ANKRD65: variants seen among roughly 807,000 people sequenced by gnomAD.
The protein encoded by ANKRD65 is ankyrin repeat domain 65.
A neutral mutation model predicts 17.2 loss-of-function variants in ANKRD65; 26 were observed. The ratio of observed to expected loss-of-function variants is 1.51; its 90% CI spans 1.11 to 2.09. ANKRD65 has a LOEUF of 2.09. ANKRD65 is among the 30% of genes most tolerant of loss of function. ANKRD65 has a pLI of 0.00. For missense variants in ANKRD65, 621 were observed against 542.2 expected (o/e 1.15, Z -1.44); for synonymous variants, 311 against 272.2 (o/e 1.14, Z -1.40).
At position 1,420,127 on chromosome 1, in the gene ANKRD65, G is replaced by C. The variant is rs1645520508; in HGVS notation, c.675C>G (p.Arg225=). 6.4e-6 allele frequency: 8 copies of C among 1,249,592 alleles called. No homozygotes were observed. Among genetic ancestry groups the C allele is most frequent in the Non-Finnish European group, 6.0e-6 (6 of 997,926 alleles). The allele number at this position is 1,249,592 out of a possible 1,614,324, so 77.4% of individuals were successfully genotyped here. A position where few individuals can be genotyped will look rare whatever the true frequency, so the allele number is the denominator to read the frequency against. ...CATCCCGGGCGTCCACCCGCGCCCC[G>C]CGCGCCAGGAGGAAGCGCAGCGCCG... ...RGAALRFLLA[R]GARVDARDGA... is the part of the protein sequence containing the mutation. Residue 225 remains arginine, a synonymous_variant, in exon 3 of 4, where the codon CGC becomes CGG. Coordinates refer to ENST00000537107, the MANE Select transcript of ANKRD65 (RefSeq NM_001145210.3).
At position 1,420,963 on chromosome 1, in the gene ANKRD65, C is replaced by T. The variant is rs1223744749; in HGVS notation, c.43G>A (p.Glu15Lys). 1.3e-6 allele frequency: 2 copies of T among 1,532,470 alleles called. No homozygotes were observed. The highest frequency in any genetic ancestry group is 4.9e-5 in the East Asian group (2 of 40,480). The allele number at this position is 1,532,470 out of a possible 1,614,324, so 94.9% of individuals were successfully genotyped here. ...AGCTCCATCCACCGCAGTTCCTGTT[C>T]CTCCTCCTCCTCCTCTCTGGGCTCA... Reference protein sequence around the residue: ...RPEPREEEEEEQELRWMELDS... With the variant: ...RPEPREEEEEKQELRWMELDS... Residue 15 changes from glutamate (E) to lysine (K), a missense_variant, in exon 2 of 4, where the codon GAA becomes AAA. Glu to Lys is a moderately conservative substitution (Grantham distance 56, BLOSUM62 1). Coordinates refer to ENST00000537107, the MANE Select transcript of ANKRD65 (RefSeq NM_001145210.3).
chr1:1,420,121 C>T lies in ANKRD65; in HGVS notation c.681G>A (p.Ala227=), dbSNP rs1244156108. 3.2e-6 allele frequency: 4 copies of T among 1,253,370 alleles called. No homozygotes were observed. The East Asian group carries it at 1.4e-4, about 43-fold the overall frequency. 77.6% of individuals were successfully genotyped at this position (1,253,370 alleles called of 1,614,324 possible). The part of the protein sequence containing the change: ...AALRFLLARG[A]RVDARDGAGA... ...CCGCGCCATCCCGGGCGTCCACCCG[C>T]GCCCCGCGCGCCAGGAGGAAGCGCA... Residue 227 remains alanine, a synonymous_variant, in exon 3 of 4, where the codon GCG becomes GCA. Transcript: ENST00000537107.
intron 1 of ANKRD65, 42 bp from the exon 2 acceptor site, chr1:1,421,047 T>A (rs1274374208): frequency 1.3e-6 from 2 of 1,531,842 alleles, no homozygotes; most frequent in South Asian, 1.2e-5. Flanking sequence ...TGGAGGCCTC[T>A]GGCCTGCCCC....
chr1:1,419,952 A>C, intron 3 of ANKRD65, 100 bp downstream of exon 3: 1 of 1,154,760 alleles, frequency 8.7e-7, no homozygotes, highest in Non-Finnish European at 1.1e-6. Context: ...GTGCCTGGAC[A>C]CCGTCCCCCA....
At position 1,420,420 on chromosome 1, in the gene ANKRD65, GC is replaced by G; in HGVS notation, c.381del (p.Gln128SerfsTer119). On this transcript the variant is annotated frameshift_variant, in exon 3 of 4. Coordinates refer to ENST00000537107, the MANE Select transcript of ANKRD65 (RefSeq NM_001145210.3). LOFTEE classifies it high-confidence loss of function. ...HGHSRVAELL[L>X]QRGASAAARS... ...CGAGCCGCCGCCGAGGCCCCGCGCT[GC>G]AGCAGCAGCTCGGCCACCCGCGAGT... The G allele has an allele frequency of 7.5e-7, 1 of 1,328,742 alleles. No homozygotes were observed. The highest frequency in any genetic ancestry group is 9.6e-7 in the Non-Finnish European group (1 of 1,037,636). The allele number at this position is 1,328,742 out of a possible 1,614,324, so 82.3% of individuals were successfully genotyped here.
Position 1,419,408 on chromosome 1 carries a change from G to A in ANKRD65, c.892C>T (p.Arg298Trp), listed in dbSNP as rs1016129563. 9.7e-6 allele frequency: 15 copies of A among 1,549,578 alleles called. No individual in the cohort carries two copies. The East Asian group carries it at 1.5e-4, about 15-fold the overall frequency. The change falls in exon 4 of 4, where the codon CGG (arginine) becomes TGG (tryptophan). Residue 298 changes from arginine to tryptophan, a missense_variant. Physicochemically the swap from Arg to Trp is moderately radical, Grantham distance 101 (BLOSUM62 -3). Transcript: ENST00000537107. ...LVTQGAEVDARDTLGLTPLHH... is the reference protein window; with the variant it reads ...LVTQGAEVDAWDTLGLTPLHH... ...AGGGGTGTGAGGCCCAGGGTGTCCC[G>A]CGCATCCACCTCGGCCCCCTGGGTG...
rs371465927 is a variant in ANKRD65, at chr1:1,419,358, G to A, written c.942C>T (p.His314=). ...CCAGCAGGCAGCCGGCAACCTCCAC[G>A]TGGCCTTCCCGAGAGGCGTGATGCA... ...TPLHHASREG[H]VEVAGCLLDR... The change falls in exon 4 of 4, where the codon CAC becomes CAT. Residue 314 remains histidine (H), a synonymous_variant. Coordinates refer to ENST00000537107, the MANE Select transcript of ANKRD65 (RefSeq NM_001145210.3). 6.8e-5 allele frequency: 105 copies of A among 1,550,228 alleles called. No homozygotes were observed. The highest frequency in any genetic ancestry group is 1.4e-4 in the African/African-American group (10 of 73,158).
At chr1:1,420,647 C>CCCTGCCCCACCCCGT in intron 2 of ANKRD65, 55 bp from the exon 3 acceptor site, 1 of 1,391,972 alleles carries the variant, frequency 7.2e-7, no homozygotes, top group Non-Finnish European at 9.3e-7. Context: ...CAGAACCCCG[C>CCCTGCCCCACCCCGT]CCTGCCCCAC....
Position 1,420,485 on chromosome 1 carries a change from G to C in ANKRD65, c.317C>G (p.Ala106Gly). 2 of 1,273,090 alleles carry C rather than the reference G, an allele frequency of 1.6e-6. No individual in the cohort carries two copies. The highest frequency in any genetic ancestry group is 2.0e-6 in the Non-Finnish European group (2 of 1,016,130). The allele number at this position is 1,273,090 out of a possible 1,614,324, so 78.9% of individuals were successfully genotyped here. A position where few individuals can be genotyped will look rare whatever the true frequency, so the allele number is the denominator to read the frequency against. Residue 106 changes from alanine (A) to glycine (G), a missense_variant, in exon 3 of 4, where the codon GCG becomes GGG. By Grantham distance (60) the Ala-to-Gly change is moderately conservative. Coordinates refer to ENST00000537107, the MANE Select transcript of ANKRD65 (RefSeq NM_001145210.3). ...GGCCTCGTGCAGCGCGGTGCGCCCC[G>C]CCCGGTCCACCGCGCCCACCGGGGC... ...RGAPVGAVDR[A>G]GRTALHEAAW...
At position 1,418,839 on chromosome 1, in the gene ANKRD65, T is replaced by TATAAAACA. The variant is rs2100416683; in HGVS notation, c.*260_*261insTGTTTTAT. 4 of 440,942 alleles carry TATAAAACA rather than the reference T, an allele frequency of 9.1e-6. No homozygotes were observed. In the East Asian group the frequency reaches 1.3e-4, roughly 14 times the overall value. The allele number at this position is 440,942 out of a possible 1,614,324, so 27.3% of individuals were successfully genotyped here. On this transcript the variant is annotated 3_prime_UTR_variant, in exon 4 of 4. Transcript: ENST00000537107. ...CTGAGTATAAAACACTATGAGAGGG[T>TATAAAACA]CTCTCTTCCCTCATTGCCACAACTC...
At position 1,419,267 on chromosome 1, in the gene ANKRD65, G is replaced by A; in HGVS notation, c.1033C>T (p.Arg345Ter). 3.9e-5 allele frequency: 60 copies of A among 1,550,390 alleles called. No individual in the cohort carries two copies. The highest frequency in any genetic ancestry group is 1.7e-4 in the Middle Eastern group (1 of 5,992). ...RKTPLHLAAE[R>*]GHGPTVGLLL... Reference sequence around the variant, plus strand: ...AGCCCCACGGTAGGCCCATGCCCTCGCTCTGCAGCCAGGTGTAGGGGGGTC... The same window carrying A: ...AGCCCCACGGTAGGCCCATGCCCTCACTCTGCAGCCAGGTGTAGGGGGGTC... The change falls in exon 4 of 4, where the codon CGA becomes TGA. Residue 345 changes from arginine (R) to a stop codon, truncating the protein, a stop_gained. Coordinates refer to ENST00000537107, the MANE Select transcript of ANKRD65 (RefSeq NM_001145210.3). LOFTEE classifies it low-confidence loss of function (END_TRUNC).
Position 1,420,184 on chromosome 1 carries a change from G to GGCGCCGTCCAGGCCC in ANKRD65, c.603_617dup (p.Gly202_Ala206dup). Reference sequence around the variant, plus strand: ...GCCCCGCAGCGGCAGCCACGAGCAGGGCGCCGTCCAGGCCCGCGCCGCCGG... The same window carrying GGCGCCGTCCAGGCCC: ...GCCCCGCAGCGGCAGCCACGAGCAGGGCGCCGTCCAGGCCCGCGCCGTCCAGGCCCGCGCCGCCGG... On this transcript the variant is annotated inframe_insertion, in exon 3 of 4. Transcript: ENST00000537107. 1 of 1,050,390 alleles carries GGCGCCGTCCAGGCCC rather than the reference G, an allele frequency of 9.5e-7. No individual in the cohort carries two copies. The highest frequency in any genetic ancestry group is 1.1e-6 in the Non-Finnish European group (1 of 875,470). 65.1% of individuals were successfully genotyped at this position (1,050,390 alleles called of 1,614,324 possible).
At chr1:1,421,060 G>A in intron 1 of ANKRD65, 55 bp from the exon 2 acceptor site, 2 of 1,523,930 alleles carry the variant, frequency 1.3e-6, no homozygotes, top group African/African-American at 1.4e-5. Context: ...CCTGCCCCCA[G>A]CCGTGTCCCA....
In ANKRD65 at chr1:1,420,116, AC is replaced by A; in HGVS notation, c.685del (p.Val229TrpfsTer18). 1 of 1,259,684 alleles carries A rather than the reference AC, an allele frequency of 7.9e-7. No homozygotes were observed. The highest frequency in any genetic ancestry group is 1.0e-6 in the Non-Finnish European group (1 of 1,004,300). 78.0% of individuals were successfully genotyped at this position (1,259,684 alleles called of 1,614,324 possible). A position where few individuals can be genotyped will look rare whatever the true frequency, so the allele number is the denominator to read the frequency against. ...LRFLLARGARVDARDGAGATA... is the reference protein window; with the variant it reads ...LRFLLARGARXDARDGAGATA... ...GGCCCCCGCGCCATCCCGGGCGTCC[AC>A]CCGCGCCCCGCGCGCCAGGAGGAAG... On this transcript the variant is annotated frameshift_variant, in exon 3 of 4. Coordinates refer to ENST00000537107, the MANE Select transcript of ANKRD65 (RefSeq NM_001145210.3). LOFTEE classifies it high-confidence loss of function.
chr1:1,420,866 T>C lies in ANKRD65; in HGVS notation c.140A>G (p.Gln47Arg), dbSNP rs1303882853. 1 of 1,550,092 alleles carries C rather than the reference T, an allele frequency of 6.5e-7. No individual in the cohort carries two copies. The highest frequency in any genetic ancestry group is 2.4e-5 in the East Asian group (1 of 40,912). Residue 47 changes from glutamine (Q) to arginine (R), a missense_variant, in exon 2 of 4, where the codon CAG (glutamine) becomes CGG (arginine). Transcript: ENST00000537107. ...GCCTGCAGGGCCCCTCCACACGGCC[T>C]GGAGCAGGTGCCCCCAGCCCTGGAC... The part of the protein sequence containing the change: ...SVVQGWGHLL[Q>R]AVWRGPAGLV...
Position 1,420,533 on chromosome 1 carries a change from A to C in ANKRD65, c.269T>G (p.Val90Gly), listed in dbSNP as rs1645534429. 1.5e-6 allele frequency: 2 copies of C among 1,311,982 alleles called. No individual in the cohort carries two copies. Among genetic ancestry groups the C allele is most frequent in the African/African-American group, 3.1e-5 (2 of 65,002 alleles). The allele number at this position is 1,311,982 out of a possible 1,614,324, so 81.3% of individuals were successfully genotyped here. ...LAVLRGHAPL[V>G]RLLLQRGAPV... ...GGCCCCTCGCTGCAGCAGGAGACGC[A>C]CCAGGGGCGCGTGGCCCCGCAGCAC... Residue 90 changes from valine (V) to glycine (G), a missense_variant, in exon 3 of 4, where the codon GTG becomes GGG. Transcript: ENST00000537107.
At position 1,420,808 on chromosome 1, in the gene ANKRD65, G is replaced by A. The variant is rs756175092; in HGVS notation, c.198C>T (p.Ser66=). 1.2e-5 allele frequency: 19 copies of A among 1,547,618 alleles called. No individual in the cohort carries two copies. In the South Asian group the frequency reaches 2.1e-4, roughly 17 times the overall value. ...LVTQLLRQGA[S]VEERDHAGRT... ...CAGCGCAGGTGCACCTCTCCTCCAC[G>A]CTGGCACCTTGCCGCAGCAGCTGCG... The change falls in exon 2 of 4, where the codon AGC becomes AGT. Residue 66 remains serine (S), a synonymous_variant. Coordinates refer to ENST00000537107, the MANE Select transcript of ANKRD65 (RefSeq NM_001145210.3).
At position 1,421,154 on chromosome 1, in the gene ANKRD65, C is replaced by T; in HGVS notation, c.-22G>A. 1.3e-6 allele frequency: 1 copy of T among 759,758 alleles called. No individual in the cohort carries two copies. Among genetic ancestry groups the T allele is most frequent in the Non-Finnish European group, 2.1e-6 (1 of 471,936 alleles). The allele number at this position is 759,758 out of a possible 1,614,324, so 47.1% of individuals were successfully genotyped here. A position where few individuals can be genotyped will look rare whatever the true frequency, so the allele number is the denominator to read the frequency against. ...TTACCCAAGGGAGCTGGCTCAGGAG[C>T]TTTCTGCTCTGGCTGAGGGTCCTCT... On this transcript the variant is annotated 5_prime_UTR_variant, in exon 1 of 4. Coordinates refer to ENST00000537107, the MANE Select transcript of ANKRD65 (RefSeq NM_001145210.3).
chr1:1,420,706 A>C (rs1570097017), intron 2 of ANKRD65, 91 bp downstream of exon 2: 6 of 993,418 alleles, frequency 6.0e-6, no homozygotes, highest in African/African-American at 2.4e-5. Flanking sequence ...TACCCCATCC[A>C]GAGAAGGGAC....
Sources: gnomAD v4.1 joint callset for allele counts on GRCh38, gnomAD v4.1.1 for gene constraint, MANE v1.5 for transcripts, NCBI Gene and HGNC (gene_info 2026-07-23, HGNC 2026-07-21) for gene names.